SGCZ: variants seen among roughly 807,000 people sequenced by gnomAD.
The protein encoded by SGCZ is zeta-sarcoglycan.
SGCZ carries 40 observed loss-of-function variants against 41.3 expected under a neutral mutation model. The ratio of observed to expected loss-of-function variants is 0.97; its 90% CI spans 0.75 to 1.26. SGCZ has a LOEUF of 1.26. Ranked by LOEUF, SGCZ falls within the 50% of genes most tolerant of loss-of-function variation. The probability of loss-of-function intolerance (pLI) is 0.00; values close to 1 mark genes in which losing one functional copy is unlikely to be tolerated. For missense variants in SGCZ, 552 were observed against 369.8 expected, an observed-to-expected ratio of 1.49 and a Z score of -4.04; for synonymous variants, 206 against 137.5, an observed-to-expected ratio of 1.50 and a Z score of -3.49.
intron 2 of SGCZ, among the ~76,000 whole-genome samples, chr8:14,376,807 T>C (rs963009812): frequency 5.9e-5 from 9 of 152,172 alleles, no homozygotes; most frequent in Admixed American, 5.2e-4. Flanking sequence ...GAATTCAACA[T>C]TACATGAAAA....
intron 1 of SGCZ, among the ~76,000 whole-genome samples, chr8:14,702,830 T>C (rs35103462): frequency 0.41 from 40,625 of 98,444 alleles, 7,836 homozygotes; most frequent in Non-Finnish European, 0.54. Context: ...GATAGATAGA[T>C]AGATAGATAG....
In SGCZ at chr8:14,084,882, A is replaced by T. The variant is rs936434670; in HGVS notation, c.*5561T>A. 1.3e-5 allele frequency among the ~76,000 whole-genome samples: 2 copies of T among 151,868 alleles called. No homozygotes were observed. The highest frequency in any genetic ancestry group is 6.6e-5 in the Admixed American group (1 of 15,202). Reference sequence around the variant, plus strand: ...CTCTTTGTTTTGACTATCACATTTAATCATGGTTACATAGTAGCACCAAAA... The same window carrying T: ...CTCTTTGTTTTGACTATCACATTTATTCATGGTTACATAGTAGCACCAAAA... On this transcript the variant is annotated 3_prime_UTR_variant, in exon 8 of 8. Coordinates refer to ENST00000382080, the MANE Select transcript of SGCZ (RefSeq NM_139167.4).
At chr8:14,099,008 C>T (rs181415450) in intron 7 of SGCZ, among the ~76,000 whole-genome samples, 2 of 152,246 alleles carry the variant, frequency 1.3e-5, no homozygotes, top group Admixed American at 1.3e-4. Flanking sequence ...AGATCCAAAC[C>T]ATAGCTCCAC....
rs145675374 is a variant in SGCZ at position 14,424,303 on chromosome 8, T to A, written c.235-100099A>T. The stretch of plus-strand genomic sequence containing the variant: ...GTTTTTCTCATTATAATAATGAAGG[T>A]CATACTTGTACAATACTCAAGTATT... On this transcript the variant is annotated intron_variant, in intron 2 of 7. Coordinates refer to ENST00000382080, the MANE Select transcript of SGCZ (RefSeq NM_139167.4). Among the ~76,000 whole-genome samples, 178 of 152,252 alleles carry A rather than the reference T, an allele frequency of 1.2e-3. 1 individual carries two copies. The East Asian group carries it at 0.03, about 25-fold the overall frequency.
At chr8:14,557,427 A>G (rs976168351) in intron 1 of SGCZ, among the ~76,000 whole-genome samples, 1 of 151,950 alleles carries the variant, frequency 6.6e-6, no homozygotes, top group African/African-American at 2.4e-5. Flanking sequence ...AAGCTCTTCA[A>G]TTTAAGTCCT....
chr8:14,780,802 A>T (rs954236575), intron 1 of SGCZ, among the ~76,000 whole-genome samples: 8 of 152,166 alleles, frequency 5.3e-5, no homozygotes, highest in African/African-American at 1.7e-4. Flanking sequence ...AATTAGAAGC[A>T]TTTCTTTTTT....
chr8:14,308,034 C>A lies in SGCZ; in HGVS notation c.336+16069G>T, dbSNP rs550543498. ...CATGACCAAGGAAAGAACTTTCATACGATTCGGGGGAACAATATCTTAGTA... is the reference window on the plus strand; with the variant it reads ...CATGACCAAGGAAAGAACTTTCATAAGATTCGGGGGAACAATATCTTAGTA... On this transcript the variant is annotated intron_variant, in intron 3 of 7. Coordinates refer to ENST00000382080, the MANE Select transcript of SGCZ (RefSeq NM_139167.4). Among the ~76,000 whole-genome samples the A allele has an allele frequency of 7.9e-5, 12 of 152,078 alleles. No homozygotes were observed. The East Asian group carries it at 2.3e-3, about 30-fold the overall frequency.
At chr8:14,755,319 ACTTT>A (rs879549182) in intron 1 of SGCZ, among the ~76,000 whole-genome samples, 10 of 152,244 alleles carry the variant, frequency 6.6e-5, no homozygotes, top group East Asian at 5.8e-4. Flanking sequence ...ATTAAAATGC[ACTTT>A]CTATTTGTTG....
intron 2 of SGCZ, among the ~76,000 whole-genome samples, chr8:14,523,256 G>C (rs112680081): frequency 2.0e-5 from 3 of 151,848 alleles, no homozygotes; most frequent in African/African-American, 7.2e-5. Flanking sequence ...ATTACTTACA[G>C]TGTTCATTCT....
chr8:14,771,768 G>T (rs1480578350), intron 1 of SGCZ, among the ~76,000 whole-genome samples: 2 of 152,068 alleles, frequency 1.3e-5, no homozygotes, highest in African/African-American at 4.8e-5. Context: ...TGGGGGGTAA[G>T]ACTGTCAGTA....
intron 1 of SGCZ, among the ~76,000 whole-genome samples, chr8:14,946,732 G>A (rs904901552): frequency 4.1e-5 from 6 of 147,708 alleles, no homozygotes; most frequent in Non-Finnish European, 8.9e-5. Flanking sequence ...CTGGAGTGCA[G>A]CAGAACAATC....
intron 1 of SGCZ, among the ~76,000 whole-genome samples, chr8:14,670,779 A>G (rs996581164): frequency 6.6e-6 from 1 of 152,208 alleles, no homozygotes; most frequent in Non-Finnish European, 1.5e-5. Context: ...CTCATTTTAA[A>G]GATGATGAAA....
chr8:14,929,565 C>G (rs780580601), intron 1 of SGCZ, among the ~76,000 whole-genome samples: 5 of 151,724 alleles, frequency 3.3e-5, no homozygotes, highest in Admixed American at 6.5e-5. Flanking sequence ...CAAATAAATT[C>G]AAATATAATT....
At chr8:14,189,422 C>G (rs1176336451) in intron 4 of SGCZ, among the ~76,000 whole-genome samples, 1 of 152,202 alleles carries the variant, frequency 6.6e-6, no homozygotes, top group African/African-American at 2.4e-5. Flanking sequence ...GTTCTTGCTT[C>G]TCTTTCAGTA....
At position 14,976,182 on chromosome 8, in the gene SGCZ, C is replaced by T. The variant is rs182395695; in HGVS notation, c.39+261403G>A. Among the ~76,000 whole-genome samples the T allele has an allele frequency of 7.9e-5, 12 of 151,786 alleles. No individual in the cohort carries two copies. In the South Asian group the frequency reaches 1.0e-3, roughly 13 times the overall value. On this transcript the variant is annotated intron_variant, in intron 1 of 7. Coordinates refer to ENST00000382080, the MANE Select transcript of SGCZ (RefSeq NM_139167.4). ...GGATACAGGCGCTCACCACCACACC[C>T]GGCTAATTTTTTGTGTTTTTAGTAG...
In SGCZ at chr8:14,933,620, T is replaced by C. The variant is rs905326025; in HGVS notation, c.39+303965A>G. On this transcript the variant is annotated intron_variant, in intron 1 of 7. Coordinates refer to ENST00000382080, the MANE Select transcript of SGCZ (RefSeq NM_139167.4). ...CTAATTTTTCTTTCTTTCTTTCTTT[T>C]TTCTGTATTTTTTAGTAGAGATGGG... 4.0e-5 allele frequency among the ~76,000 whole-genome samples: 6 copies of C among 151,854 alleles called. No homozygotes were observed. In the East Asian group the frequency reaches 5.8e-4, roughly 15 times the overall value.
At chr8:14,872,519 G>A (rs1460475062) in intron 1 of SGCZ, among the ~76,000 whole-genome samples, 5 of 152,034 alleles carry the variant, frequency 3.3e-5, no homozygotes, top group Admixed American at 6.6e-5. Flanking sequence ...CATCTTTTAT[G>A]AGAGCTGAAA....
chr8:14,329,855 T>C (rs962305631), intron 2 of SGCZ, among the ~76,000 whole-genome samples: 2 of 143,332 alleles, frequency 1.4e-5, no homozygotes, highest in African/African-American at 2.4e-5. Flanking sequence ...TTTGTTTGTA[T>C]TTGCTTTTTT....
Position 15,157,167 on chromosome 8 carries a change from T to C in SGCZ, c.39+80418A>G, listed in dbSNP as rs988924687. ...AGCTCTGCTAAGGCCCAATATTACA[T>C]ACATAGATGATGACATTTTATACTT... On this transcript the variant is annotated intron_variant, in intron 1 of 7. Coordinates refer to ENST00000382080, the MANE Select transcript of SGCZ (RefSeq NM_139167.4). Among the ~76,000 whole-genome samples the C allele has an allele frequency of 4.6e-5, 7 of 152,232 alleles. No individual in the cohort carries two copies. The South Asian group carries it at 1.5e-3, about 32-fold the overall frequency.
Sources: gnomAD v4.1 joint callset for allele counts (sites outside exome capture counted in the v4.1 genomes callset) on GRCh38, gnomAD v4.1.1 for gene constraint, MANE v1.5 for transcripts, NCBI Gene and HGNC (gene_info 2026-07-23, HGNC 2026-07-21) for gene names.